The following SNTG2 variants were observed in gnomAD, a reference collection of about 807,000 sequenced individuals.
The protein encoded by SNTG2 is gamma-2-syntrophin.
Under a neutral mutation model 70.9 loss-of-function variants are expected in SNTG2, and 74 were observed. The observed-to-expected ratio is 1.04, with a 90% CI of 0.86 to 1.27. The LOEUF (loss-of-function observed/expected upper bound fraction) is 1.27. Ranked by LOEUF, SNTG2 falls within the 50% of genes most tolerant of loss-of-function variation. SNTG2 has a pLI of 0.00. For missense variants in SNTG2, 717 were observed against 690.7 expected (o/e 1.04, Z -0.43); for synonymous variants, 278 against 273.8 (o/e 1.02, Z -0.15).
intron 15 of SNTG2, among the ~76,000 whole-genome samples, chr2:1,308,789 T>C (rs969017925): frequency 1.3e-5 from 2 of 152,070 alleles, no homozygotes; most frequent in Non-Finnish European, 2.9e-5. Context: ...GTCTGGCCAA[T>C]AGGATTCACA....
intron 9 of SNTG2, among the ~76,000 whole-genome samples, chr2:1,227,705 C>T (rs1461159521): frequency 1.3e-5 from 2 of 152,234 alleles, no homozygotes; most frequent in African/African-American, 4.8e-5. Context: ...CTGTTGCGGT[C>T]AGCCTTGGTG....
chr2:1,188,050 G>A lies in SNTG2; in HGVS notation c.591+14867G>A, dbSNP rs550880736. The stretch of plus-strand genomic sequence containing the variant: ...GTAAATGCAGATGGCTCTAACAAGC[G>A]TTAGCTTTATAAACTAATGCACCAC... On this transcript the variant is annotated intron_variant, in intron 8 of 16. Transcript: ENST00000308624. 1.4e-4 allele frequency among the ~76,000 whole-genome samples: 21 copies of A among 152,364 alleles called. No homozygotes were observed. The South Asian group carries it at 4.1e-3, about 30-fold the overall frequency.
intron 9 of SNTG2, among the ~76,000 whole-genome samples, chr2:1,222,073 G>C (rs1238115743): frequency 0.03 from 139 of 4,558 alleles, 8 homozygotes; most frequent in African/African-American, 0.08. Flanking sequence ...GTTTCTCTCT[G>C]TCTCTGTCTC....
chr2:1,137,236 C>T (rs1668446104), intron 4 of SNTG2, among the ~76,000 whole-genome samples: 1 of 151,548 alleles, frequency 6.6e-6, no homozygotes, highest in Non-Finnish European at 1.5e-5. Context: ...AACAGATTCA[C>T]ATGCTCAGAC....
Position 1,353,997 on chromosome 2 carries a change from G to A in SNTG2, c.1489-13346G>A, listed in dbSNP as rs1660716964. 1 of 152,196 alleles carries A rather than the reference G, an allele frequency of 6.6e-6. No homozygotes were observed. 9.4% of individuals were successfully genotyped at this position (152,196 alleles called of 1,614,324 possible). A position where few individuals can be genotyped will look rare whatever the true frequency, so the allele number is the denominator to read the frequency against. ...GACCTCACCGTTCACATTTTGACAA[G>A]CACAGGATAGAGCCTCATGGCGTCC... On this transcript the variant is annotated intron_variant, in intron 16 of 16. Coordinates refer to ENST00000308624, the MANE Select transcript of SNTG2 (RefSeq NM_018968.4). This position sits in a 1 kb window ranked among gnomAD's most constrained non-coding sequence, Gnocchi z 4.2.
intron 1 of SNTG2, among the ~76,000 whole-genome samples, chr2:986,205 G>A (rs972284587): frequency 1.3e-5 from 2 of 152,006 alleles, no homozygotes; most frequent in East Asian, 1.9e-4. Flanking sequence ...GCTCATTTGG[G>A]GACATGGCCG....
chr2:1,033,649 C>G (rs150336784), intron 1 of SNTG2, among the ~76,000 whole-genome samples: 452 of 152,336 alleles, frequency 3.0e-3, no homozygotes, highest in Middle Eastern at 0.014. Context: ...TTGTGGCCAA[C>G]AATTTTTGCC....
At chr2:1,195,540 C>G (rs2147951445) in intron 8 of SNTG2, among the ~76,000 whole-genome samples, 1 of 152,278 alleles carries the variant, frequency 6.6e-6, no homozygotes, top group Non-Finnish European at 1.5e-5. Flanking sequence ...AGTGTCTGTT[C>G]ATATCTGCCA....
intron 1 of SNTG2, among the ~76,000 whole-genome samples, chr2:1,021,368 C>T (rs143711555): frequency 5.3e-5 from 8 of 152,200 alleles, no homozygotes; most frequent in Admixed American, 1.3e-4. Flanking sequence ...ATCTCAAGCA[C>T]GCTCTCATAA....
intron 1 of SNTG2, among the ~76,000 whole-genome samples, chr2:988,027 C>G (rs1037794214): frequency 6.6e-6 from 1 of 152,226 alleles, no homozygotes; most frequent in African/African-American, 2.4e-5. Context: ...CGCCACAGCC[C>G]GTCTTCCTCC....
chr2:1,231,140 G>A (rs187894651), intron 9 of SNTG2, among the ~76,000 whole-genome samples: 27 of 149,224 alleles, frequency 1.8e-4, no homozygotes, highest in Admixed American at 2.6e-4. Flanking sequence ...AAATAGATCC[G>A]AAAGGTGACC....
At chr2:1,321,918 T>G (rs890513487) in intron 16 of SNTG2, among the ~76,000 whole-genome samples, 1 of 151,890 alleles carries the variant, frequency 6.6e-6, no homozygotes, top group African/African-American at 2.4e-5. Context: ...CCCTCCTTCC[T>G]TCCTTCCTTC....
intron 8 of SNTG2, among the ~76,000 whole-genome samples, chr2:1,182,644 G>A (rs888697020): frequency 2.0e-5 from 3 of 152,220 alleles, no homozygotes; most frequent in Non-Finnish European, 4.4e-5. Flanking sequence ...TGCCTGCAGT[G>A]AAGTAGGTGA....
intron 14 of SNTG2, among the ~76,000 whole-genome samples, chr2:1,290,295 CA>C (rs1679936655): frequency 1.3e-5 from 2 of 148,372 alleles, no homozygotes; most frequent in South Asian, 4.3e-4. Context: ...AGAGAGGGAG[CA>C]TGAAGGGGAA....
At chr2:1,051,562 G>C (rs1662075477) in intron 1 of SNTG2, among the ~76,000 whole-genome samples, 1 of 152,174 alleles carries the variant, frequency 6.6e-6, no homozygotes, top group Admixed American at 6.5e-5. Flanking sequence ...CTGTTGTCAT[G>C]GTGTATGGCA....
At chr2:1,012,251 A>G (rs1659749372) in intron 1 of SNTG2, among the ~76,000 whole-genome samples, 1 of 152,246 alleles carries the variant, frequency 6.6e-6, no homozygotes, top group African/African-American at 2.4e-5. Context: ...GGGACTTGCC[A>G]TGGAGCTTCC....
rs71400092 is a variant in SNTG2, at chr2:1,293,157, C to CT, written c.1285-15319dup. Among the ~76,000 whole-genome samples, 984 of 130,962 alleles carry CT rather than the reference C, an allele frequency of 7.5e-3. 10 individuals are homozygous for CT. The highest frequency in any genetic ancestry group is 0.02 in the African/African-American group (727 of 35,796). 85.9% of individuals were successfully genotyped at this position (130,962 alleles called of 152,430 possible). A position where few individuals can be genotyped will look rare whatever the true frequency, so the allele number is the denominator to read the frequency against. ...TAAAATTGTTTGTAGTACTCTGTTACTTTTTTTTTTTTTTTTTTACTTTTG... is the reference window on the plus strand; with the variant it reads ...TAAAATTGTTTGTAGTACTCTGTTACTTTTTTTTTTTTTTTTTTTACTTTTG... On this transcript the variant is annotated intron_variant, in intron 14 of 16. Transcript: ENST00000308624.
intron 11 of SNTG2, among the ~76,000 whole-genome samples, chr2:1,245,053 T>C (rs1558589653): frequency 1.4e-5 from 2 of 138,150 alleles, no homozygotes; most frequent in Non-Finnish European, 3.0e-5. Flanking sequence ...TTCTCACTCA[T>C]AGATGGGAAT....
intron 16 of SNTG2, among the ~76,000 whole-genome samples, chr2:1,361,680 C>T (rs1661156862): frequency 6.6e-6 from 1 of 152,000 alleles, no homozygotes; most frequent in Non-Finnish European, 1.5e-5. Context: ...ATGAAAGTCA[C>T]CGACGCTGAG....
Sources: allele counts gnomAD v4.1 joint callset (sites outside exome capture counted in the v4.1 genomes callset), GRCh38; gene constraint gnomAD v4.1.1; non-coding constraint Gnocchi (gnomAD v3.1); transcripts MANE v1.5; gene names NCBI Gene and HGNC (gene_info 2026-07-23, HGNC 2026-07-21).